KIAA1217: variants seen among roughly 807,000 people sequenced by gnomAD.
KIAA1217 encodes sickle tail protein homolog.
In KIAA1217, 88 loss-of-function variants were observed where a neutral mutation model predicts 163.9. The observed-to-expected ratio is 0.54, with a 90% CI of 0.45 to 0.64. The LOEUF is 0.64. Among genes scored for constraint, KIAA1217 ranks in the 30% least tolerant of loss-of-function variants. KIAA1217 has a pLI of 0.00. For synonymous variants in KIAA1217, 903 were observed against 923.1 expected, an observed-to-expected ratio of 0.98 and a Z score of 0.39; for missense variants, 2,372 against 2,475.0, an observed-to-expected ratio of 0.96 and a Z score of 0.88.
At chr10:24,357,454 G>A (rs1046424130) in intron 2 of KIAA1217, among the ~76,000 whole-genome samples, 2 of 152,066 alleles carry the variant, frequency 1.3e-5, no homozygotes, top group African/African-American at 4.8e-5. Context: ...CCTAAAGCAA[G>A]GCCCCTTTGG....
intron 1 of KIAA1217, among the ~76,000 whole-genome samples, chr10:23,770,548 C>T (rs1382098026): frequency 2.6e-5 from 4 of 152,154 alleles, no homozygotes; most frequent in Admixed American, 2.0e-4. Flanking sequence ...CACAACGTTG[C>T]TACATTGGCC....
At chr10:24,062,523 T>C (rs1352179593) in intron 2 of KIAA1217, among the ~76,000 whole-genome samples, 1 of 151,406 alleles carries the variant, frequency 6.6e-6, no homozygotes, top group African/African-American at 2.4e-5. Context: ...CACATTTTCT[T>C]AATCCAGTCT....
At chr10:23,839,676 T>A (rs1401121340) in intron 1 of KIAA1217, among the ~76,000 whole-genome samples, 3 of 152,182 alleles carry the variant, frequency 2.0e-5, no homozygotes, top group South Asian at 2.1e-4. Flanking sequence ...CTCTGAAGCA[T>A]CCTACAGATC....
chr10:23,995,526 G>C (rs947943089), intron 1 of KIAA1217, among the ~76,000 whole-genome samples: 2 of 151,102 alleles, frequency 1.3e-5, no homozygotes, highest in Non-Finnish European at 1.5e-5. Context: ...AGGGCAAATG[G>C]CTTCCTCATT....
intron 2 of KIAA1217, among the ~76,000 whole-genome samples, chr10:24,060,738 G>T (rs2060691319): frequency 6.6e-6 from 1 of 152,148 alleles, no homozygotes; most frequent in Admixed American, 6.5e-5. Context: ...CCAGTTTATA[G>T]TGAGCTATGA....
intron 1 of KIAA1217, among the ~76,000 whole-genome samples, chr10:23,942,595 C>T (rs1465998361): frequency 6.6e-6 from 1 of 152,090 alleles, no homozygotes; most frequent in African/African-American, 2.4e-5. Flanking sequence ...CCTAAACTTA[C>T]CCATCAACAA....
Position 24,289,076 on chromosome 10 carries a change from C to A in KIAA1217, c.354+69167C>A, listed in dbSNP as rs558658775. Among the ~76,000 whole-genome samples, 639 of 152,278 alleles carry A rather than the reference C, an allele frequency of 4.2e-3. 3 individuals are homozygous for A. Among genetic ancestry groups the A allele is most frequent in the African/African-American group, 0.015 (609 of 41,562 alleles). ...CGCTTTTTTCTCTACTGGCTCTTAA[C>A]CTGCCTCATCCTATGCCAAGTTTAT... On this transcript the variant is annotated intron_variant, in intron 2 of 20. Transcript: ENST00000376454.
At chr10:23,715,802 G>A (rs987014273) in intron 1 of KIAA1217, among the ~76,000 whole-genome samples, 1 of 152,080 alleles carries the variant, frequency 6.6e-6, no homozygotes, top group Non-Finnish European at 1.5e-5. Flanking sequence ...TGAAAGAAAA[G>A]CAAAGCTTAC....
At chr10:23,958,733 G>A (rs1381766056) in intron 1 of KIAA1217, among the ~76,000 whole-genome samples, 4 of 152,054 alleles carry the variant, frequency 2.6e-5, no homozygotes, top group African/African-American at 4.8e-5. Context: ...TAACCCGAGC[G>A]AGTTTAGGCA....
At position 24,433,027 on chromosome 10, in the gene KIAA1217, A is replaced by C; in HGVS notation, c.586A>C (p.Lys196Gln). ...CTATCTCCAGTATGGAGATGAAACCAAGCAGCTCAGGATGCCGAATGAAAT... is the reference window on the plus strand; with the variant it reads ...CTATCTCCAGTATGGAGATGAAACCCAGCAGCTCAGGATGCCGAATGAAAT... The part of the protein sequence containing the change: ...VLYLQYGDET[K>Q]QLRMPNEITS... Residue 196 changes from lysine (K) to glutamine (Q), a missense_variant, in exon 4 of 21, where the codon AAG (lysine) becomes CAG (glutamine). Coordinates refer to ENST00000376454, the MANE Select transcript of KIAA1217 (RefSeq NM_019590.5). 1 of 1,614,152 alleles carries C rather than the reference A, an allele frequency of 6.2e-7. No homozygotes were observed. Among genetic ancestry groups the C allele is most frequent in the Non-Finnish European group, 8.5e-7 (1 of 1,180,030 alleles).
intron 2 of KIAA1217, among the ~76,000 whole-genome samples, chr10:24,120,372 G>A (rs977630017): frequency 1.3e-5 from 2 of 152,146 alleles, no homozygotes; most frequent in Non-Finnish European, 2.9e-5. Flanking sequence ...TGAGAACAGT[G>A]AAAAATGAAA....
intron 2 of KIAA1217, among the ~76,000 whole-genome samples, chr10:24,278,914 C>T (rs1224928438): frequency 6.7e-6 from 1 of 148,630 alleles, no homozygotes. Context: ...TGGAGTGCAG[C>T]GGCCCAATCT....
chr10:24,039,949 T>C (rs1021271004), intron 2 of KIAA1217, among the ~76,000 whole-genome samples: 2 of 152,134 alleles, frequency 1.3e-5, no homozygotes. Context: ...CCCCTTTCCC[T>C]TGTAAAATTA....
intron 1 of KIAA1217, among the ~76,000 whole-genome samples, chr10:23,923,966 C>T (rs574702194): frequency 2.2e-4 from 34 of 152,168 alleles, no homozygotes; most frequent in African/African-American, 7.7e-4. Context: ...TTTGCAAATA[C>T]CTATTCATAT....
chr10:23,789,935 A>G (rs1835665210), intron 1 of KIAA1217, among the ~76,000 whole-genome samples: 1 of 97,776 alleles, frequency 1.0e-5, no homozygotes, highest in Admixed American at 1.1e-4. Context: ...GTATATATAC[A>G]CATATACATA....
At chr10:24,259,039 A>G (rs1167174371) in intron 2 of KIAA1217, among the ~76,000 whole-genome samples, 1 of 152,138 alleles carries the variant, frequency 6.6e-6, no homozygotes, top group Non-Finnish European at 1.5e-5. Context: ...AGCGAGGCAC[A>G]AGGAGAGAGG....
chr10:23,865,362 C>T (rs532427640), intron 1 of KIAA1217, among the ~76,000 whole-genome samples: 23 of 152,258 alleles, frequency 1.5e-4, no homozygotes, highest in Admixed American at 4.6e-4. Flanking sequence ...ATTTATTAAT[C>T]ATTTAGCCTC....
intron 1 of KIAA1217, among the ~76,000 whole-genome samples, chr10:23,747,481 A>T (rs1294278375): frequency 6.6e-6 from 1 of 152,112 alleles, no homozygotes; most frequent in African/African-American, 2.4e-5. Flanking sequence ...CAGTTCAAGG[A>T]AATATGCTCC....
chr10:23,950,150 A>G (rs922978537), intron 1 of KIAA1217, among the ~76,000 whole-genome samples: 1 of 152,150 alleles, frequency 6.6e-6, no homozygotes. Context: ...TTGACCCACC[A>G]TGATAGTAGT....
Sources: gnomAD v4.1 joint callset for allele counts (sites outside exome capture counted in the v4.1 genomes callset) on GRCh38, gnomAD v4.1.1 for gene constraint, MANE v1.5 for transcripts, NCBI Gene and HGNC (gene_info 2026-07-23, HGNC 2026-07-21) for gene names.